Variants in CIT observed in about 807,000 individuals in gnomAD.
The protein encoded by CIT is citron Rho-interacting kinase.
CIT carries 79 observed loss-of-function variants against 272.7 expected under a neutral mutation model. The ratio of observed to expected loss-of-function variants is 0.29; its 90% CI spans 0.24 to 0.35. The LOEUF (loss-of-function observed/expected upper bound fraction) is 0.35. Ranked by LOEUF, CIT falls within the 10% of genes least tolerant of loss-of-function variation. The pLI is 1.00. For synonymous variants in CIT, 948 were observed against 995.6 expected, an observed-to-expected ratio of 0.95 and a Z score of 0.90; for missense variants, 1,909 against 2,618.3, an observed-to-expected ratio of 0.73 and a Z score of 5.91.
chr12:119,717,396 CATATTCTT>C (rs1296133914), intron 32 of CIT, among the ~76,000 whole-genome samples: 2 of 141,242 alleles, frequency 1.4e-5, no homozygotes, highest in African/African-American at 5.4e-5. Context: ...CTTATTTTTT[CATATTCTT>C]TTTTCTTTTC....
At chr12:119,874,048 TA>T (rs1950764158) in intron 2 of CIT, among the ~76,000 whole-genome samples, 1 of 152,108 alleles carries the variant, frequency 6.6e-6, no homozygotes, top group Admixed American at 6.6e-5. Flanking sequence ...ACCTCTATGT[TA>T]TTTTTTTTGT....
intron 7 of CIT, among the ~76,000 whole-genome samples, chr12:119,828,943 G>T (rs1201676723): frequency 1.3e-5 from 2 of 151,760 alleles, no homozygotes; most frequent in Non-Finnish European, 2.9e-5. Flanking sequence ...ATGACTAGGG[G>T]ACAGAAGAGT....
rs1031540705 is a variant in CIT, at chr12:119,822,985, A to C, written c.958-12T>G. ...AATTTCAAAAACCGCTGTTCCAAAA[A>C]AAATAAGAGAATTATTTCCTTAGTA... On this transcript the variant is annotated splice_polypyrimidine_tract_variant and intron_variant, in intron 8 of 47. Coordinates refer to ENST00000392521, the MANE Select transcript of CIT (RefSeq NM_001206999.2). 5 of 1,598,946 alleles carry C rather than the reference A, an allele frequency of 3.1e-6. No homozygotes were observed. Among genetic ancestry groups the C allele is most frequent in the Non-Finnish European group, 4.3e-6 (5 of 1,175,630 alleles).
At chr12:119,700,879 A>ACCATGTGTGTCGCTGAT in intron 43 of CIT, 54 bp from the exon 44 acceptor site, 1 of 1,386,148 alleles carries the variant, frequency 7.2e-7, no homozygotes, top group Non-Finnish European at 1.0e-6. Context: ...CAGGGGCATC[A>ACCATGTGTGTCGCTGAT]GCGACACACA....
In CIT at chr12:119,858,821, C is replaced by A. The variant is rs966014178; in HGVS notation, c.239-1123G>T. Among the ~76,000 whole-genome samples, 218 of 135,978 alleles carry A rather than the reference C, an allele frequency of 1.6e-3. 1 individual carries two copies. The highest frequency in any genetic ancestry group is 4.6e-3 in the African/African-American group (173 of 37,578). The allele number at this position is 135,978 out of a possible 152,430, so 89.2% of individuals were successfully genotyped here. A position where few individuals can be genotyped will look rare whatever the true frequency, so the allele number is the denominator to read the frequency against. On this transcript the variant is annotated intron_variant, in intron 3 of 47. Transcript: ENST00000392521. ...TGAGTGACAGAGCGAGACTCCATCT[C>A]AAAAAAAAAAAACAGCGTGGTGGGC...
Position 119,690,307 on chromosome 12 carries a change from C to T in CIT, c.6030G>A (p.Arg2010=). Residue 2010 remains arginine (R), a synonymous_variant, in exon 47 of 48, where the codon AGG becomes AGA. Coordinates refer to ENST00000392521, the MANE Select transcript of CIT (RefSeq NM_001206999.2). This position sits in a 1 kb window ranked among gnomAD's most constrained non-coding sequence, Gnocchi z 6.0. Reference sequence around the variant, plus strand: ...CCAGGGGGCGGCCAGGAGACTTGTCCCTGCGCAGCTCGGTCCGCCCCTCGC... The same window carrying T: ...CCAGGGGGCGGCCAGGAGACTTGTCTCTGCGCAGCTCGGTCCGCCCCTCGC... ...RYREGRTELR[R]DKSPGRPLER... The T allele has an allele frequency of 6.3e-7, 1 of 1,593,704 alleles. No individual in the cohort carries two copies. The highest frequency in any genetic ancestry group is 8.5e-7 in the Non-Finnish European group (1 of 1,177,096).
intron 4 of CIT, among the ~76,000 whole-genome samples, chr12:119,856,976 A>T (rs80195679): frequency 6.6e-6 from 1 of 152,368 alleles, no homozygotes; most frequent in East Asian, 1.9e-4. Context: ...TCTAAAACAC[A>T]GCAAATGAAT....
chr12:119,695,803 A>G (rs536928184), intron 46 of CIT, among the ~76,000 whole-genome samples: 43 of 152,144 alleles, frequency 2.8e-4, no homozygotes, highest in Non-Finnish European at 4.4e-4. Context: ...AAGTAGGGGG[A>G]GTGTATTTGC....
In CIT at chr12:119,710,403, C is replaced by G. The variant is rs1957105033; in HGVS notation, c.4936-17G>C. The G allele has an allele frequency of 6.2e-7, 1 of 1,613,906 alleles. No homozygotes were observed. Among genetic ancestry groups the G allele is most frequent in the South Asian group, 1.1e-5 (1 of 91,080 alleles). Reference sequence around the variant, plus strand: ...CAACACCACCTGCAAGGGCAGAAGTCCGAAGGCAGAACATAAGCACGGTCA... The same window carrying G: ...CAACACCACCTGCAAGGGCAGAAGTGCGAAGGCAGAACATAAGCACGGTCA... On this transcript the variant is annotated splice_polypyrimidine_tract_variant and intron_variant, in intron 38 of 47. Transcript: ENST00000392521. This position sits in a 1 kb window ranked among gnomAD's most constrained non-coding sequence, Gnocchi z 5.6.
intron 2 of CIT, among the ~76,000 whole-genome samples, chr12:119,874,024 G>A (rs1163480308): frequency 6.6e-6 from 1 of 152,140 alleles, no homozygotes; most frequent in Non-Finnish European, 1.5e-5. Context: ...CAACCCTGTG[G>A]ATTAGGTACT....
chr12:119,753,086 T>G (rs1403374338), intron 22 of CIT, among the ~76,000 whole-genome samples: 7 of 151,448 alleles, frequency 4.6e-5, no homozygotes, highest in Non-Finnish European at 1.0e-4. Context: ...GGTATGGGGG[T>G]GAGGGAGACC....
intron 9 of CIT, among the ~76,000 whole-genome samples, chr12:119,807,063 A>G (rs921803964): frequency 6.6e-6 from 1 of 152,080 alleles, no homozygotes; most frequent in African/African-American, 2.4e-5. Flanking sequence ...TATCACCACC[A>G]CTCAGGAGCT....
chr12:119,705,149 G>A (rs1956806575), intron 40 of CIT, among the ~76,000 whole-genome samples: 2 of 152,140 alleles, frequency 1.3e-5, no homozygotes, highest in Admixed American at 6.6e-5. Flanking sequence ...CTGGCCTCAA[G>A]TGATCCGCCT....
chr12:119,838,681 T>C (rs981149294), intron 5 of CIT, among the ~76,000 whole-genome samples: 1 of 152,188 alleles, frequency 6.6e-6, no homozygotes, highest in African/African-American at 2.4e-5. Flanking sequence ...CATATAGCCA[T>C]CACCTCTGCT....
rs375945602 is a variant in CIT at position 119,742,517 on chromosome 12, A to C, written c.2905-53T>G. The C allele has an allele frequency of 1.5e-5, 21 of 1,381,160 alleles. No individual in the cohort carries two copies. In the African/African-American group the frequency reaches 2.9e-4, roughly 19 times the overall value. 85.6% of individuals were successfully genotyped at this position (1,381,160 alleles called of 1,614,324 possible). The stretch of plus-strand genomic sequence containing the variant: ...TTTTCATAGGGTAGAATACAATTCT[A>C]CATGCTACGGGTCAAATATAGAGAA... On this transcript the variant is annotated intron_variant, in intron 23 of 47. Transcript: ENST00000392521.
chr12:119,744,709 C>T (rs542144883), intron 23 of CIT, among the ~76,000 whole-genome samples: 340 of 96,644 alleles, frequency 3.5e-3, no homozygotes, highest in Non-Finnish European at 5.5e-3. Flanking sequence ...GGCGAGACTC[C>T]GCCTCAAAAA....
intron 23 of CIT, among the ~76,000 whole-genome samples, chr12:119,744,742 A>C (rs1416121535): frequency 6.6e-6 from 1 of 151,202 alleles, no homozygotes; most frequent in African/African-American, 2.4e-5. Flanking sequence ...AAAGTCTATA[A>C]GATAACTGAG....
chr12:119,856,785 C>T (rs1277116539), intron 4 of CIT, among the ~76,000 whole-genome samples: 1 of 152,206 alleles, frequency 6.6e-6, no homozygotes, highest in Non-Finnish European at 1.5e-5. Flanking sequence ...CTGCTTTATA[C>T]ATTTGCATTT....
chr12:119,796,419 A>G (rs1252285881), intron 10 of CIT, among the ~76,000 whole-genome samples: 1 of 152,208 alleles, frequency 6.6e-6, no homozygotes, highest in Non-Finnish European at 1.5e-5. Context: ...CACCACTTGG[A>G]GAAATTGGCA....
Sources: allele counts gnomAD v4.1 joint callset (sites outside exome capture counted in the v4.1 genomes callset), GRCh38; gene constraint gnomAD v4.1.1; non-coding constraint Gnocchi (gnomAD v3.1); transcripts MANE v1.5; gene names NCBI Gene and HGNC (gene_info 2026-07-23, HGNC 2026-07-21).